Variants in COL4A2 observed in about 807,000 individuals in gnomAD.
COL4A2 encodes the protein collagen type IV alpha 2 chain.
COL4A2 carries 99 observed loss-of-function variants against 200.2 expected under a neutral mutation model. The observed-to-expected ratio is 0.49, with a 90% confidence interval of 0.42 to 0.58. The LOEUF is 0.58. COL4A2 is among the 20% of genes least tolerant of loss of function. The pLI is 0.00. For synonymous variants in COL4A2, 897 were observed against 900.6 expected, an observed-to-expected ratio of 1.00 and a Z score of 0.07; for missense variants, 1,950 against 2,314.1, an observed-to-expected ratio of 0.84 and a Z score of 3.23.
chr13:110,390,207 T>G (rs1239926650), intron 4 of COL4A2, among the ~76,000 whole-genome samples: 1 of 152,224 alleles, frequency 6.6e-6, no homozygotes, highest in African/African-American at 2.4e-5. Flanking sequence ...TTTATTGTCC[T>G]GTGAAGAGGA....
intron 46 of COL4A2, among the ~76,000 whole-genome samples, chr13:110,506,904 A>G (rs1305212061): frequency 2.0e-5 from 3 of 151,998 alleles, no homozygotes; most frequent in Non-Finnish European, 4.4e-5. Context: ...GGAGACCACC[A>G]ATTACTTCAC....
At chr13:110,428,407 A>T (rs1880546743) in intron 6 of COL4A2, 60 bp from the exon 7 acceptor site, 1 of 980,776 alleles carries the variant, frequency 1.0e-6, no homozygotes, top group African/African-American at 1.7e-5. Context: ...TTTATCTCAC[A>T]GTTACATGAC....
chr13:110,381,283 C>T (rs914177432), intron 4 of COL4A2, among the ~76,000 whole-genome samples: 1 of 152,136 alleles, frequency 6.6e-6, no homozygotes, highest in Non-Finnish European at 1.5e-5. Context: ...TATCTCACGC[C>T]CACCGGCTCT....
intron 18 of COL4A2, 126 bp downstream of exon 18, chr13:110,446,990 AT>A: frequency 2.8e-6 from 1 of 350,992 alleles, no homozygotes; most frequent in Non-Finnish European, 4.6e-6. Context: ...TATAATAATA[AT>A]AAAAAAAATA....
rs746292800 is a variant in COL4A2, at chr13:110,480,276, A to G, written c.2644A>G (p.Met882Val). 6.2e-7 allele frequency: 1 copy of G among 1,613,838 alleles called. No homozygotes were observed. Among genetic ancestry groups the G allele is most frequent in the Non-Finnish European group, 8.5e-7 (1 of 1,179,842 alleles). ...GDTGAPGPVG[M>V]KGLSGDRGDA... ...CACAGGCGCTCCTGGCCCTGTGGGCATGAAAGGTCTCTCTGGTGACAGAGG... is the reference window on the plus strand; with the variant it reads ...CACAGGCGCTCCTGGCCCTGTGGGCGTGAAAGGTCTCTCTGGTGACAGAGG... The change falls in exon 31 of 48, where the codon ATG (methionine) becomes GTG (valine). Residue 882 changes from methionine (M) to valine (V), a missense_variant. Around this residue, in one of 2 missense-constraint regions of COL4A2, gnomAD observed 1,385 missense variants for 1,720.5 expected, o/e 0.80. Transcript: ENST00000360467.
intron 3 of COL4A2, among the ~76,000 whole-genome samples, chr13:110,336,833 T>C (rs1457501023): frequency 6.6e-6 from 1 of 152,232 alleles, no homozygotes; most frequent in Admixed American, 6.5e-5. Flanking sequence ...CAGTTCTTCC[T>C]CTGCTCCCTC....
At chr13:110,357,862 A>C (rs1425403042) in intron 4 of COL4A2, among the ~76,000 whole-genome samples, 1 of 152,164 alleles carries the variant, frequency 6.6e-6, no homozygotes, top group Non-Finnish European at 1.5e-5. Context: ...TGTGTAGGGC[A>C]TTTACCATGA....
At chr13:110,367,133 T>C (rs1293996952) in intron 4 of COL4A2, among the ~76,000 whole-genome samples, 1 of 152,214 alleles carries the variant, frequency 6.6e-6, no homozygotes, top group Admixed American at 6.5e-5. Context: ...CCTGTATCGA[T>C]GGCAGCTTCC....
At chr13:110,417,544 C>T (rs1880089169) in intron 4 of COL4A2, among the ~76,000 whole-genome samples, 1 of 152,128 alleles carries the variant, frequency 6.6e-6, no homozygotes, top group South Asian at 2.1e-4. Context: ...ATGTATACAG[C>T]GATAGAACCA....
intron 4 of COL4A2, among the ~76,000 whole-genome samples, chr13:110,414,612 G>T (rs1350703816): frequency 6.6e-6 from 1 of 152,238 alleles, no homozygotes; most frequent in Non-Finnish European, 1.5e-5. Flanking sequence ...TGCCCCAGAT[G>T]CTCTCTGAGG....
chr13:110,509,257 A>G (rs1182470524), intron 47 of COL4A2, among the ~76,000 whole-genome samples: 2 of 120,244 alleles, frequency 1.7e-5, no homozygotes, highest in Non-Finnish European at 1.7e-5. Context: ...ATATATATAT[A>G]TATATATATA....
At chr13:110,411,414 A>C (rs1879831472) in intron 4 of COL4A2, among the ~76,000 whole-genome samples, 1 of 152,192 alleles carries the variant, frequency 6.6e-6, no homozygotes, top group Non-Finnish European at 1.5e-5. Flanking sequence ...TTACTACTTC[A>C]GAGTATTAGC....
At chr13:110,445,681 C>G (rs1170114519) in intron 16 of COL4A2, 148 bp from the exon 17 acceptor site, 1 of 1,067,256 alleles carries the variant, frequency 9.4e-7, no homozygotes, top group East Asian at 2.5e-5. Flanking sequence ...TTTTGAGACC[C>G]AAGTCAGGGA....
intron 4 of COL4A2, among the ~76,000 whole-genome samples, chr13:110,365,891 A>C (rs1877725404): frequency 6.6e-6 from 1 of 152,118 alleles, no homozygotes; most frequent in African/African-American, 2.4e-5. Context: ...AAAGCTCCAC[A>C]CTCCATCAGA....
intron 4 of COL4A2, among the ~76,000 whole-genome samples, chr13:110,388,660 C>CAT (rs1359337705): frequency 1.3e-5 from 2 of 152,192 alleles, no homozygotes; most frequent in Non-Finnish European, 2.9e-5. Context: ...TCACCCCTCA[C>CAT]ATATACGAGG....
intron 38 of COL4A2, 129 bp from the exon 39 acceptor site, chr13:110,493,080 TGG>T: frequency 8.9e-5 from 20 of 223,484 alleles, no homozygotes; most frequent in South Asian, 3.1e-4. Context: ...GACACCCCCA[TGG>T]GTGAAATAAC....
At chr13:110,449,042 G>A (rs1881434560) in intron 18 of COL4A2, among the ~76,000 whole-genome samples, 1 of 128,998 alleles carries the variant, frequency 7.8e-6, no homozygotes, top group African/African-American at 2.8e-5. Context: ...GGACTTCAGT[G>A]TGACGCCCAG....
At chr13:110,511,172 G>A (rs1385000366) in intron 47 of COL4A2, among the ~76,000 whole-genome samples, 2 of 151,454 alleles carry the variant, frequency 1.3e-5, no homozygotes. Flanking sequence ...GATCCAGGAG[G>A]CCTGCCGTGC....
Position 110,372,180 on chromosome 13 carries a change from C to T in COL4A2, c.180+14628C>T, listed in dbSNP as rs182367933. On this transcript the variant is annotated intron_variant, in intron 4 of 47. Coordinates refer to ENST00000360467, the MANE Select transcript of COL4A2 (RefSeq NM_001846.4). ...CCATTGTCTTCAGAGCCCAGCACACCGGGCCGGTCATTCCACTGTTGAGGT... is the reference window on the plus strand; with the variant it reads ...CCATTGTCTTCAGAGCCCAGCACACTGGGCCGGTCATTCCACTGTTGAGGT... Among the ~76,000 whole-genome samples the T allele has an allele frequency of 6.6e-4, 101 of 152,280 alleles. No individual in the cohort carries two copies. The Middle Eastern group carries it at 0.01, about 15-fold the overall frequency.
Sources: gnomAD v4.1 joint callset for allele counts (sites outside exome capture counted in the v4.1 genomes callset) on GRCh38, gnomAD v4.1.1 for gene constraint, gnomAD v4.1.1 regional missense constraint, MANE v1.5 for transcripts, NCBI Gene and HGNC (gene_info 2026-07-23, HGNC 2026-07-21) for gene names.